The following MAMDC2 variants were observed in gnomAD, a reference collection of about 807,000 sequenced individuals.
MAMDC2 encodes the protein MAM domain containing 2.
MAMDC2 carries 57 observed loss-of-function variants against 89.8 expected under a neutral mutation model. That is an observed-to-expected ratio of 0.63 (90% CI 0.51 to 0.79). The LOEUF (loss-of-function observed/expected upper bound fraction) is 0.79, where lower values mean the gene tolerates loss of function less well. Ranked by LOEUF, MAMDC2 falls within the 30% of genes least tolerant of loss-of-function variation. The pLI is 0.00. For synonymous variants in MAMDC2, 313 were observed against 293.4 expected, an observed-to-expected ratio of 1.07 and a Z score of -0.68; for missense variants, 800 against 820.6, an observed-to-expected ratio of 0.97 and a Z score of 0.31.
At chr9:70,134,105 C>T (rs1200709201) in intron 7 of MAMDC2, among the ~76,000 whole-genome samples, 2 of 152,186 alleles carry the variant, frequency 1.3e-5, no homozygotes, top group African/African-American at 2.4e-5. Flanking sequence ...CTTTTCCCAG[C>T]TGGACCTAGC....
chr9:70,079,246 C>T (rs1382767310), intron 2 of MAMDC2: 1 of 152,078 alleles, frequency 6.6e-6, no homozygotes, highest in Non-Finnish European at 1.5e-5. Flanking sequence ...GCTCACTTAC[C>T]GTGCATTATT....
At chr9:70,194,562 G>C (rs1587559116) in intron 11 of MAMDC2, 3 of 152,072 alleles carry the variant, frequency 2.0e-5, no homozygotes, top group African/African-American at 7.2e-5. Flanking sequence ...AAAACTGTAA[G>C]AAATAAATTT....
intron 2 of MAMDC2, among the ~76,000 whole-genome samples, chr9:70,106,204 G>T (rs999235877): frequency 6.6e-6 from 1 of 152,190 alleles, no homozygotes; most frequent in African/African-American, 2.4e-5. Flanking sequence ...TCCCTTTCTG[G>T]AGTGGGGAAA....
chr9:70,104,765 A>G (rs3015204), intron 2 of MAMDC2, among the ~76,000 whole-genome samples: 27,596 of 152,034 alleles, frequency 0.18, 3,484 homozygotes, highest in African/African-American at 0.36. Flanking sequence ...GTAGATTTGT[A>G]GTTTCCAGAT....
At chr9:70,214,728 G>A (rs78067066) in intron 11 of MAMDC2, among the ~76,000 whole-genome samples, 2,046 of 152,210 alleles carry the variant, frequency 0.013, 42 homozygotes, top group African/African-American at 0.047. Context: ...CAGTGGAGGC[G>A]GTAAGAAGAG....
At chr9:70,194,130 C>G (rs1390520466) in intron 11 of MAMDC2, 1 of 152,104 alleles carries the variant, frequency 6.6e-6, no homozygotes, top group Non-Finnish European at 1.5e-5. Flanking sequence ...TTCTACAGTA[C>G]AGCATGGTAT....
chr9:70,102,538 G>C (rs1020980455), intron 2 of MAMDC2, among the ~76,000 whole-genome samples: 13 of 152,168 alleles, frequency 8.5e-5, no homozygotes, highest in Non-Finnish European at 1.3e-4. Flanking sequence ...ATGACTTCAA[G>C]ACTCAGTTAT....
intron 11 of MAMDC2, among the ~76,000 whole-genome samples, chr9:70,204,587 G>A (rs1191272507): frequency 6.6e-6 from 1 of 151,298 alleles, no homozygotes; most frequent in African/African-American, 2.4e-5. Flanking sequence ...GCTCCACCCA[G>A]TTCGAGCTTC....
chr9:70,118,739 G>A (rs894375218), intron 5 of MAMDC2, among the ~76,000 whole-genome samples: 7 of 152,216 alleles, frequency 4.6e-5, no homozygotes, highest in East Asian at 1.9e-4. Flanking sequence ...GAAACAGCAC[G>A]TAGAAGGGAA....
intron 9 of MAMDC2, among the ~76,000 whole-genome samples, chr9:70,161,205 G>C (rs2031956919): frequency 6.6e-6 from 1 of 152,132 alleles, no homozygotes; most frequent in African/African-American, 2.4e-5. Context: ...TTTGAGTTGA[G>C]AGGTTTGGAT....
chr9:70,175,230 T>A (rs1164569628), intron 11 of MAMDC2, among the ~76,000 whole-genome samples: 1 of 152,116 alleles, frequency 6.6e-6, no homozygotes, highest in Non-Finnish European at 1.5e-5. Flanking sequence ...GATGGTAAAT[T>A]TGACTATGAT....
intron 11 of MAMDC2, among the ~76,000 whole-genome samples, chr9:70,198,604 G>A (rs2033026733): frequency 2.6e-5 from 4 of 152,010 alleles, no homozygotes; most frequent in Admixed American, 2.6e-4. Flanking sequence ...CTCTCTCCCT[G>A]ATCCTACTAT....
At chr9:70,103,300 A>C (rs1432846590) in intron 2 of MAMDC2, among the ~76,000 whole-genome samples, 1 of 152,200 alleles carries the variant, frequency 6.6e-6, no homozygotes, top group Non-Finnish European at 1.5e-5. Context: ...CTTGAAAATG[A>C]GTATAGGTCG....
intron 5 of MAMDC2, among the ~76,000 whole-genome samples, chr9:70,118,297 A>AACACACACAC (rs6151026): frequency 0.039 from 5,476 of 140,188 alleles, 232 homozygotes; most frequent in African/African-American, 0.046. Flanking sequence ...ATCCCCACTC[A>AACACACACAC]ACACACACAC....
intron 11 of MAMDC2, among the ~76,000 whole-genome samples, chr9:70,199,103 T>C (rs969319297): frequency 6.6e-6 from 1 of 151,234 alleles, no homozygotes; most frequent in Admixed American, 6.6e-5. Context: ...CATGTGCACA[T>C]TGTACAGGTT....
intron 12 of MAMDC2, 112 bp downstream of exon 12, chr9:70,218,708 C>T (rs1927096): frequency 0.87 from 1,097,976 of 1,257,072 alleles, 480,098 homozygotes; most frequent in East Asian, 0.95. Context: ...GGGTCATAGA[C>T]AAAGGCAGGA....
intron 11 of MAMDC2, among the ~76,000 whole-genome samples, chr9:70,197,260 C>T (rs1383451507): frequency 2.6e-5 from 4 of 152,010 alleles, no homozygotes; most frequent in Admixed American, 2.0e-4. Context: ...CAAATTAAAA[C>T]CAGAAACTGC....
intron 6 of MAMDC2, among the ~76,000 whole-genome samples, chr9:70,127,152 A>G (rs1401381133): frequency 6.6e-6 from 1 of 152,234 alleles, no homozygotes; most frequent in Non-Finnish European, 1.5e-5. Context: ...CAGAAGCTAC[A>G]AGTACTTTCA....
intron 8 of MAMDC2, among the ~76,000 whole-genome samples, chr9:70,142,708 CAT>C (rs1287070240): frequency 6.6e-5 from 10 of 152,180 alleles, no homozygotes; most frequent in Non-Finnish European, 1.2e-4. Flanking sequence ...TGTATGGAGG[CAT>C]AGAGAGCTCT....
Sources: gnomAD v4.1 joint callset for allele counts (sites outside exome capture counted in the v4.1 genomes callset) on GRCh38, gnomAD v4.1.1 for gene constraint, MANE v1.5 for transcripts, NCBI Gene and HGNC (gene_info 2026-07-23, HGNC 2026-07-21) for gene names.